Variants in TM9SF3 observed in about 807,000 individuals in gnomAD.
TM9SF3 encodes the protein transmembrane 9 superfamily member 3.
Under a neutral mutation model 78.6 loss-of-function variants are expected in TM9SF3, and 14 were observed. The observed-to-expected ratio is 0.18, with a 90% CI of 0.12 to 0.28. TM9SF3 has a LOEUF of 0.28. Ranked by LOEUF, TM9SF3 falls within the 10% of genes least tolerant of loss-of-function variation. The pLI is 1.00. For synonymous variants in TM9SF3, 231 were observed against 241.7 expected (o/e 0.96, Z 0.41); for missense variants, 496 against 721.9 (o/e 0.69, Z 3.59).
chr10:96,575,398 C>A (rs1017048578), intron 2 of TM9SF3, among the ~76,000 whole-genome samples: 1 of 150,422 alleles, frequency 6.6e-6, no homozygotes, highest in African/African-American at 2.5e-5. Flanking sequence ...AATTACAGGC[C>A]ATGCCACTGT....
Position 96,528,150 on chromosome 10 carries a change from T to G in TM9SF3, c.1422A>C (p.Ala474=). 1 of 1,611,110 alleles carries G rather than the reference T, an allele frequency of 6.2e-7. No homozygotes were observed. The highest frequency in any genetic ancestry group is 8.5e-7 in the Non-Finnish European group (1 of 1,178,174). The change falls in exon 12 of 15, where the codon GCA becomes GCC. Residue 474 remains alanine (A), a synonymous_variant. Coordinates refer to ENST00000371142, the MANE Select transcript of TM9SF3 (RefSeq NM_020123.4). The part of the protein sequence containing the change: ...EMYFIFTSFW[A]YKIYYVYGFM... ...AGCCATAGACATAATAGATCTTATA[T>G]GCCCAGAAAGACGTGAAGATGAAAT...
At chr10:96,567,921 T>C (rs1324159418) in intron 2 of TM9SF3, among the ~76,000 whole-genome samples, 1 of 152,234 alleles carries the variant, frequency 6.6e-6, no homozygotes, top group Non-Finnish European at 1.5e-5. Context: ...GTGTGTATGT[T>C]TGTACAGAAG....
intron 4 of TM9SF3, among the ~76,000 whole-genome samples, chr10:96,561,187 C>T (rs1280125798): frequency 6.6e-6 from 1 of 152,130 alleles, no homozygotes; most frequent in Non-Finnish European, 1.5e-5. Flanking sequence ...ATTCGCCTCT[C>T]CTCTGACCAT....
chr10:96,560,435 G>C, intron 4 of TM9SF3: 1 of 749,680 alleles, frequency 1.3e-6, no homozygotes, highest in Non-Finnish European at 2.4e-6. Flanking sequence ...TGTCTGCACA[G>C]CCAACGGTTT....
Position 96,562,118 on chromosome 10 carries a change from C to A in TM9SF3, c.442G>T (p.Glu148Ter). The change falls in exon 4 of 15, where the codon GAA (glutamate) becomes TAA (stop). Residue 148 changes from glutamate (E) to a stop codon, truncating the protein, a stop_gained. Transcript: ENST00000371142. LOFTEE classifies it high-confidence loss of function. ...PIWGIVGEADENGEDYYLWTY... is the reference protein window; with the variant it reads ...PIWGIVGEAD ...CAAAGATAGTAATCTTCTCCATTTT[C>A]ATCAGCCTCACCAACAATACCTACA... 1 of 1,611,840 alleles carries A rather than the reference C, an allele frequency of 6.2e-7. No individual in the cohort carries two copies. The highest frequency in any genetic ancestry group is 1.1e-5 in the South Asian group (1 of 90,836).
intron 5 of TM9SF3, among the ~76,000 whole-genome samples, chr10:96,555,980 ATGT>A (rs1176199125): frequency 1.3e-5 from 2 of 152,168 alleles, no homozygotes; most frequent in Admixed American, 6.5e-5. Flanking sequence ...CACACATAAA[ATGT>A]TGTAATTTCT....
chr10:96,586,294 G>A lies in TM9SF3; in HGVS notation c.102+440C>T, dbSNP rs533424903. ...GGATATTTCCTGGTTAGTGGCTGCCGGGTAATCACGATGCATCCATCTTCC... is the reference window on the plus strand; with the variant it reads ...GGATATTTCCTGGTTAGTGGCTGCCAGGTAATCACGATGCATCCATCTTCC... On this transcript the variant is annotated intron_variant, in intron 1 of 14. Coordinates refer to ENST00000371142, the MANE Select transcript of TM9SF3 (RefSeq NM_020123.4). Among the ~76,000 whole-genome samples the A allele has an allele frequency of 1.5e-4, 23 of 152,306 alleles. No homozygotes were observed. The South Asian group carries it at 2.7e-3, about 18-fold the overall frequency.
At chr10:96,569,282 C>T (rs969648539) in intron 2 of TM9SF3, among the ~76,000 whole-genome samples, 4 of 152,174 alleles carry the variant, frequency 2.6e-5, no homozygotes, top group Admixed American at 2.0e-4. Flanking sequence ...TTCCCTTGCC[C>T]ACCCCCTGAA....
At chr10:96,546,925 C>T (rs986496291) in intron 8 of TM9SF3, among the ~76,000 whole-genome samples, 11 of 152,166 alleles carry the variant, frequency 7.2e-5, no homozygotes. Flanking sequence ...CATTCATAAA[C>T]TAAAATGCAA....
chr10:96,559,717 T>A lies in TM9SF3; in HGVS notation c.602A>T (p.Asp201Val). The A allele has an allele frequency of 6.3e-7, 1 of 1,583,466 alleles. No individual in the cohort carries two copies. Among genetic ancestry groups the A allele is most frequent in the Non-Finnish European group, 8.6e-7 (1 of 1,162,154 alleles). ...GTCAAATCGATCTTCAAATTTCACATCTGACTTTTTCCATTTTACCTAAAA... is the reference window on the plus strand; with the variant it reads ...GTCAAATCGATCTTCAAATTTCACAACTGACTTTTTCCATTTTACCTAAAA... ...MSYSVKWKKS[D>V]VKFEDRFDKY... Residue 201 changes from aspartate to valine, a missense_variant, in exon 5 of 15, where the codon GAT becomes GTT. This residue lies in a region of TM9SF3 where 155 missense variants were observed against 241.6 expected (regional missense o/e 0.64). Transcript: ENST00000371142.
intron 4 of TM9SF3, among the ~76,000 whole-genome samples, chr10:96,561,253 TA>T (rs11309165): frequency 0.6 from 90,565 of 151,862 alleles, 28,427 homozygotes; most frequent in East Asian, 0.83. Context: ...GAATGAATAA[TA>T]AAAAAAAATC....
chr10:96,536,919 C>T (rs1299003155), intron 9 of TM9SF3, among the ~76,000 whole-genome samples: 1 of 152,208 alleles, frequency 6.6e-6, no homozygotes, highest in Non-Finnish European at 1.5e-5. Flanking sequence ...CCTCAGCCTC[C>T]TGAATAACTG....
intron 4 of TM9SF3, chr10:96,560,874 T>G (rs1848299102): frequency 1.9e-6 from 1 of 534,124 alleles, no homozygotes; most frequent in East Asian, 4.9e-5. Flanking sequence ...GACCTAGTTC[T>G]GTAGAAAACA....
At position 96,527,405 on chromosome 10, in the gene TM9SF3, C is replaced by G; in HGVS notation, c.1625+8G>C. The G allele has an allele frequency of 6.2e-7, 1 of 1,604,364 alleles. No homozygotes were observed. Reference sequence around the variant, plus strand: ...CTAAATAAAAGGTAAAAAAATGTCTCCACTTACTTTGTTTTGAAAAAATAG... The same window carrying G: ...CTAAATAAAAGGTAAAAAAATGTCTGCACTTACTTTGTTTTGAAAAAATAG... On this transcript the variant is annotated splice_region_variant and intron_variant, in intron 13 of 14. Coordinates refer to ENST00000371142, the MANE Select transcript of TM9SF3 (RefSeq NM_020123.4).
chr10:96,586,702 C>A, intron 1 of TM9SF3, 32 bp downstream of exon 1: 1 of 1,220,266 alleles, frequency 8.2e-7, no homozygotes, highest in Non-Finnish European at 1.0e-6. Context: ...GGGAGCTAGC[C>A]CGGGGCGGCC....
In TM9SF3 at chr10:96,562,224, T is replaced by TG. The variant is rs1026144677; in HGVS notation, c.422-87_422-86insC. 12 of 1,135,952 alleles carry TG rather than the reference T, an allele frequency of 1.1e-5. No individual in the cohort carries two copies. In the Admixed American group the frequency reaches 2.8e-4, roughly 27 times the overall value. 70.4% of individuals were successfully genotyped at this position (1,135,952 alleles called of 1,614,324 possible). ...AGCTAAATGCTCATTAAGTTTTTTTTTTTTTTTTTTTTACCTCCGCCCTCT... is the reference window on the plus strand; with the variant it reads ...AGCTAAATGCTCATTAAGTTTTTTTTGTTTTTTTTTTTTACCTCCGCCCTCT... On this transcript the variant is annotated intron_variant, in intron 3 of 14. Transcript: ENST00000371142.
chr10:96,580,526 A>G (rs931852733), intron 1 of TM9SF3, among the ~76,000 whole-genome samples: 1 of 152,122 alleles, frequency 6.6e-6, no homozygotes, highest in African/African-American at 2.4e-5. Flanking sequence ...TCGGCCTCCC[A>G]AAGTGCTGGG....
intron 14 of TM9SF3, among the ~76,000 whole-genome samples, chr10:96,526,573 A>C (rs1589445460): frequency 6.6e-6 from 1 of 152,258 alleles, no homozygotes; most frequent in East Asian, 1.9e-4. Context: ...TCCTTTTAAT[A>C]GATGATTATG....
At chr10:96,522,921 G>A (rs1847796387) in intron 14 of TM9SF3, among the ~76,000 whole-genome samples, 1 of 151,808 alleles carries the variant, frequency 6.6e-6, no homozygotes, top group Non-Finnish European at 1.5e-5. Context: ...AGGTAAGTGG[G>A]TCAGAAGTTT....
Sources: gnomAD v4.1 joint callset for allele counts (sites outside exome capture counted in the v4.1 genomes callset) on GRCh38, gnomAD v4.1.1 for gene constraint, gnomAD v4.1.1 regional missense constraint, MANE v1.5 for transcripts, NCBI Gene and HGNC (gene_info 2026-07-23, HGNC 2026-07-21) for gene names.